COMMD1: variants seen among roughly 807,000 people sequenced by gnomAD.
COMMD1 encodes the protein copper metabolism domain containing 1.
In COMMD1, 10 loss-of-function variants were observed where a neutral mutation model predicts 17.2. The observed-to-expected ratio is 0.58, with a 90% CI of 0.36 to 0.99. The LOEUF (loss-of-function observed/expected upper bound fraction) is 0.99, where lower values mean the gene tolerates loss of function less well. Ranked by LOEUF, COMMD1 falls within the 50% of genes least tolerant of loss-of-function variation. The probability of loss-of-function intolerance (pLI) is 0.01; values close to 1 mark genes in which losing one functional copy is unlikely to be tolerated. For missense variants in COMMD1, 270 were observed against 231.8 expected, an observed-to-expected ratio of 1.17 and a Z score of -1.07; for synonymous variants, 97 against 91.6, an observed-to-expected ratio of 1.06 and a Z score of -0.34.
intron 1 of COMMD1, among the ~76,000 whole-genome samples, chr2:61,994,257 A>G (rs938530454): frequency 1.3e-5 from 2 of 152,178 alleles, no homozygotes; most frequent in African/African-American, 4.8e-5. Context: ...AAAGTGCTGG[A>G]TTACAGGTGT....
intron 1 of COMMD1, among the ~76,000 whole-genome samples, chr2:61,889,202 C>CTTT (rs34949326): frequency 0.45 from 24,582 of 54,384 alleles, 8,746 homozygotes; most frequent in Middle Eastern, 0.53. Context: ...GAAGCCCGGC[C>CTTT]TTTTTTTTTT....
chr2:62,088,466 G>T (rs1156649952), intron 2 of COMMD1, among the ~76,000 whole-genome samples: 4 of 152,076 alleles, frequency 2.6e-5, no homozygotes, highest in Non-Finnish European at 5.9e-5. Flanking sequence ...TCAGTTAATG[G>T]CATTGCGATC....
At chr2:61,899,510 A>C (rs1669615612) in intron 1 of COMMD1, among the ~76,000 whole-genome samples, 2 of 152,190 alleles carry the variant, frequency 1.3e-5, no homozygotes, top group African/African-American at 4.8e-5. Flanking sequence ...TATATTAAAT[A>C]AGTCTGTATG....
At chr2:62,045,011 C>A (rs1384239386) in intron 2 of COMMD1, among the ~76,000 whole-genome samples, 1 of 152,162 alleles carries the variant, frequency 6.6e-6, no homozygotes, top group Non-Finnish European at 1.5e-5. Flanking sequence ...TCACTGAGAT[C>A]ATGGCATTGC....
At chr2:62,006,198 G>A (rs866377439) in intron 2 of COMMD1, among the ~76,000 whole-genome samples, 1 of 123,408 alleles carries the variant, frequency 8.1e-6, no homozygotes, top group South Asian at 3.5e-4. Context: ...ACTGTTGTGG[G>A]GTGGGGGGAG....
chr2:61,905,673 C>T, upstream of COMMD1: 4 of 1,547,878 alleles, frequency 2.6e-6, no homozygotes, highest in South Asian at 2.3e-5. Context: ...GGGGCCTTCG[C>T]AGAGCATGGC....
chr2:62,115,852 CTTTCTTTCTTTTTTTTTT>C, intron 2 of COMMD1, among the ~76,000 whole-genome samples: 1 of 100,262 alleles, frequency 1.0e-5, no homozygotes, highest in Admixed American at 1.0e-4. Flanking sequence ...TTCTTTCTTT[CTTTCTTTCTTTTTTTTTT>C]TTTTTTTTGA....
intron 2 of COMMD1, among the ~76,000 whole-genome samples, chr2:62,046,276 T>C (rs914753620): frequency 6.6e-6 from 1 of 152,256 alleles, no homozygotes; most frequent in African/African-American, 2.4e-5. Context: ...AAAATAGTTC[T>C]ATGCTATAAA....
At chr2:62,024,695 A>C (rs1015414521) in intron 2 of COMMD1, among the ~76,000 whole-genome samples, 2 of 152,006 alleles carry the variant, frequency 1.3e-5, no homozygotes, top group South Asian at 4.1e-4. Context: ...TATGTAATTA[A>C]TGTAAGCTAC....
At chr2:62,026,405 A>C (rs1337549000) in intron 2 of COMMD1, among the ~76,000 whole-genome samples, 1 of 152,190 alleles carries the variant, frequency 6.6e-6, no homozygotes, top group Non-Finnish European at 1.5e-5. Context: ...ACACTTTTAA[A>C]TGACCAGATC....
chr2:62,079,832 A>G (rs1331928221), intron 2 of COMMD1: 1 of 152,232 alleles, frequency 6.6e-6, no homozygotes, highest in Admixed American at 6.5e-5. Context: ...GTCAACAGAA[A>G]AAAAATGGAT....
At chr2:61,952,111 C>T (rs1329980939) in intron 1 of COMMD1, among the ~76,000 whole-genome samples, 1 of 152,158 alleles carries the variant, frequency 6.6e-6, no homozygotes, top group Admixed American at 6.6e-5. Flanking sequence ...TGGTTCTAAC[C>T]TCAAAGCTAT....
At position 62,000,761 on chromosome 2, in the gene COMMD1, A is replaced by C. The variant is rs971972526; in HGVS notation, c.241A>C (p.Lys81Gln). ...GGAGGCATTCTTGACTGCTCAAACCAAAAAGCAAGGTGGGATCACATCTGA... is the reference window on the plus strand; with the variant it reads ...GGAGGCATTCTTGACTGCTCAAACCCAAAAGCAAGGTGGGATCACATCTGA... ...QLEAFLTAQT[K>Q]KQGGITSDQA... Residue 81 changes from lysine (K) to glutamine (Q), a missense_variant, in exon 2 of 3, where the codon AAA becomes CAA. Lys to Gln is a moderately conservative substitution (Grantham distance 53). Coordinates refer to ENST00000311832, the MANE Select transcript of COMMD1 (RefSeq NM_152516.4). The C allele has an allele frequency of 1.2e-6, 2 of 1,614,026 alleles. No individual in the cohort carries two copies. The highest frequency in any genetic ancestry group is 1.3e-5 in the African/African-American group (1 of 74,926).
chr2:62,024,297 A>T (rs1669695354), intron 2 of COMMD1, among the ~76,000 whole-genome samples: 1 of 152,020 alleles, frequency 6.6e-6, no homozygotes, highest in South Asian at 2.1e-4. Context: ...GCTCACTGTA[A>T]CCTCTGCCTC....
chr2:61,991,878 T>C (rs1276756994), intron 1 of COMMD1, among the ~76,000 whole-genome samples: 1 of 152,188 alleles, frequency 6.6e-6, no homozygotes, highest in Non-Finnish European at 1.5e-5. Context: ...CTCAAACATA[T>C]CCAGCCCAGT....
intron 1 of COMMD1, among the ~76,000 whole-genome samples, chr2:61,899,743 C>G (rs577496729): frequency 2.6e-5 from 4 of 152,122 alleles, no homozygotes; most frequent in Non-Finnish European, 5.9e-5. Context: ...GGCGTGATCC[C>G]AGCTCACTGC....
At position 62,136,016 on chromosome 2, in the gene COMMD1, A is replaced by C. The variant is rs771011785; in HGVS notation, c.*75A>C. 36 of 796,664 alleles carry C rather than the reference A, an allele frequency of 4.5e-5. No homozygotes were observed. Among genetic ancestry groups the C allele is most frequent in the Non-Finnish European group, 7.9e-5 (35 of 444,272 alleles). 49.3% of individuals were successfully genotyped at this position (796,664 alleles called of 1,614,324 possible). A position where few individuals can be genotyped will look rare whatever the true frequency, so the allele number is the denominator to read the frequency against. On this transcript the variant is annotated 3_prime_UTR_variant, in exon 3 of 3. Transcript: ENST00000311832. ...CCCTCCCCACTGACCTTTTCTAAGA[A>C]AATTCTTGTGCCCGCATTGGTATTA...
chr2:62,057,864 A>G (rs1238669055), intron 2 of COMMD1, among the ~76,000 whole-genome samples: 1 of 151,378 alleles, frequency 6.6e-6, no homozygotes, highest in Non-Finnish European at 1.5e-5. Context: ...GAGCCACCCC[A>G]CTCAGTCCAA....
upstream of COMMD1, chr2:61,888,470 G>C (rs1202008323): frequency 1.2e-6 from 2 of 1,611,908 alleles, no homozygotes; most frequent in African/African-American, 1.3e-5. Context: ...GGCAGCCCCG[G>C]CAGTCGCCCC....
Sources: allele counts gnomAD v4.1 joint callset (sites outside exome capture counted in the v4.1 genomes callset), GRCh38; gene constraint gnomAD v4.1.1; transcripts MANE v1.5; gene names NCBI Gene and HGNC (gene_info 2026-07-23, HGNC 2026-07-21).